IL20RA: variants seen among roughly 807,000 people sequenced by gnomAD.
IL20RA encodes the protein interleukin-20 receptor subunit alpha.
IL20RA carries 29 observed loss-of-function variants against 36.5 expected under a neutral mutation model. That is an observed-to-expected ratio of 0.79 (90% CI 0.59 to 1.08). The LOEUF (loss-of-function observed/expected upper bound fraction) is 1.08. Among genes scored for constraint, IL20RA ranks in the 50% least tolerant of loss-of-function variants. IL20RA has a pLI of 0.00. For missense variants in IL20RA, 652 were observed against 668.4 expected, an observed-to-expected ratio of 0.98 and a Z score of 0.27; for synonymous variants, 279 against 267.1, an observed-to-expected ratio of 1.04 and a Z score of -0.43.
Position 137,032,911 on chromosome 6 carries a change from C to A in IL20RA, c.88+11730G>T, listed in dbSNP as rs549108130. Among the ~76,000 whole-genome samples, 5 of 152,284 alleles carry A rather than the reference C, an allele frequency of 3.3e-5. No homozygotes were observed. In the South Asian group the frequency reaches 8.3e-4, roughly 25 times the overall value. Reference sequence around the variant, plus strand: ...CTGAACAGGACTTGCAGAAGACTGGCTCTTTGAGGTACTTACATTATTTTG... The same window carrying A: ...CTGAACAGGACTTGCAGAAGACTGGATCTTTGAGGTACTTACATTATTTTG... On this transcript the variant is annotated intron_variant, in intron 1 of 6. Transcript: ENST00000316649.
At chr6:137,003,799 G>A (rs1199285618) in intron 6 of IL20RA, among the ~76,000 whole-genome samples, 2 of 152,032 alleles carry the variant, frequency 1.3e-5, no homozygotes, top group Non-Finnish European at 2.9e-5. Flanking sequence ...TCCTCATCTG[G>A]AGCCTCCTTG....
chr6:137,036,557 G>A (rs1776500170), intron 1 of IL20RA, among the ~76,000 whole-genome samples: 1 of 152,182 alleles, frequency 6.6e-6, no homozygotes. Context: ...AGAATGCCAT[G>A]TGAAGATCAG....
In IL20RA at chr6:137,011,402, C is replaced by A. The variant is rs773882416; in HGVS notation, c.275G>T (p.Arg92Ile). 1.9e-6 allele frequency: 3 copies of A among 1,613,616 alleles called. No homozygotes were observed. Among genetic ancestry groups the A allele is most frequent in the African/African-American group, 2.7e-5 (2 of 75,022 alleles). Reference sequence around the variant, plus strand: ...TTCAGCAGAAAGATCACAGTAGGTTCTATTGATATTTCTGCATTCTGATTT... The same window carrying A: ...TTCAGCAGAAAGATCACAGTAGGTTATATTGATATTTCTGCATTCTGATTT... Reference protein sequence around the residue: ...LNKSECRNINRTYCDLSAETS... With the variant: ...LNKSECRNINITYCDLSAETS... The change falls in exon 3 of 7, where the codon AGA becomes ATA. Residue 92 changes from arginine to isoleucine, a missense_variant. Physicochemically the swap from Arg to Ile is moderately conservative, Grantham distance 97 (BLOSUM62 -3). Coordinates refer to ENST00000316649, the MANE Select transcript of IL20RA (RefSeq NM_014432.4).
intron 1 of IL20RA, among the ~76,000 whole-genome samples, chr6:137,025,879 A>G (rs1184013740): frequency 6.6e-6 from 1 of 152,208 alleles, no homozygotes; most frequent in Non-Finnish European, 1.5e-5. Flanking sequence ...TGCCTGATGA[A>G]CACCAGTTAA....
chr6:137,001,958 A>G lies in IL20RA; in HGVS notation c.1262T>C (p.Leu421Ser), dbSNP rs568672421. The change falls in exon 7 of 7, where the codon TTG becomes TCG. Residue 421 changes from leucine (L) to serine (S), a missense_variant. Physicochemically the swap from Leu to Ser is moderately radical, Grantham distance 145 (BLOSUM62 -2). Transcript: ENST00000316649. ...TCCTTGTGTGGACACCTCCTCCTGC[A>G]AACTGAGCTCCTGCTCTTCAGGCCC... Reference protein sequence around the residue: ...CAGPEEQELSLQEEVSTQGTL... With the variant: ...CAGPEEQELSSQEEVSTQGTL... The G allele has an allele frequency of 2.0e-5, 32 of 1,614,164 alleles. 1 individual carries two copies. In the South Asian group the frequency reaches 3.3e-4, roughly 17 times the overall value.
intron 5 of IL20RA, among the ~76,000 whole-genome samples, chr6:137,007,877 T>C (rs1012953702): frequency 5.3e-5 from 8 of 152,238 alleles, no homozygotes; most frequent in African/African-American, 1.9e-4. Flanking sequence ...GAATTCTGCT[T>C]TACAGTGGTT....
chr6:137,031,973 A>G lies in IL20RA; in HGVS notation c.88+12668T>C, dbSNP rs371981887. Among the ~76,000 whole-genome samples, 9 of 151,646 alleles carry G rather than the reference A, an allele frequency of 5.9e-5. No homozygotes were observed. The South Asian group carries it at 1.9e-3, about 32-fold the overall frequency. On this transcript the variant is annotated intron_variant, in intron 1 of 6. Transcript: ENST00000316649. Reference sequence around the variant, plus strand: ...GAGGCTGAGTCATGAGAATCACTTGAACCTGGGAGGCAGAGGTTGTAGTGA... The same window carrying G: ...GAGGCTGAGTCATGAGAATCACTTGGACCTGGGAGGCAGAGGTTGTAGTGA...
Position 137,004,649 on chromosome 6 carries a change from A to G in IL20RA, c.836T>C (p.Val279Ala), listed in dbSNP as rs756416263. The stretch of plus-strand genomic sequence containing the variant: ...ATTTGCTGGGTGTTTCTCTTTGCCA[A>G]CGTGGATATATCGGTAGATGGAATA... The part of the protein sequence containing the change: ...MGYSIYRYIH[V>A]GKEKHPANLI... The change falls in exon 6 of 7, where the codon GTT (valine) becomes GCT (alanine). Residue 279 changes from valine to alanine, a missense_variant. Transcript: ENST00000316649. 13 of 1,613,828 alleles carry G rather than the reference A, an allele frequency of 8.1e-6. No individual in the cohort carries two copies. In the Admixed American group the frequency reaches 1.8e-4, roughly 23 times the overall value.
rs756493272 is a variant in IL20RA, at chr6:137,000,743, C to G, written c.*815G>C. The G allele has an allele frequency of 1.7e-4, 26 of 152,304 alleles. No individual in the cohort carries two copies. The highest frequency in any genetic ancestry group is 3.5e-4 in the Non-Finnish European group (24 of 68,014). 9.4% of individuals were successfully genotyped at this position (152,304 alleles called of 1,614,324 possible). ...CAGTAACCTAGAGCTTTACCTAACA[C>G]TTTCTAGTTTACAGACTATGTAAAT... On this transcript the variant is annotated 3_prime_UTR_variant, in exon 7 of 7. Coordinates refer to ENST00000316649, the MANE Select transcript of IL20RA (RefSeq NM_014432.4).
At chr6:137,024,535 G>A (rs1297714964) in intron 1 of IL20RA, among the ~76,000 whole-genome samples, 1 of 152,224 alleles carries the variant, frequency 6.6e-6, no homozygotes, top group Non-Finnish European at 1.5e-5. Context: ...GGGAGTGCCA[G>A]ACCATCATGA....
At position 137,004,677 on chromosome 6, in the gene IL20RA, C is replaced by T. The variant is rs1775212361; in HGVS notation, c.808G>A (p.Gly270Ser). ...TGGATATATCGGTAGATGGAATAGC[C>T]CATCACAGAAAAAAGAAACACGGTA... ...SITVFLFSVMGYSIYRYIHVG... is the reference protein window; with the variant it reads ...SITVFLFSVMSYSIYRYIHVG... Residue 270 changes from glycine (G) to serine (S), a missense_variant, in exon 6 of 7, where the codon GGC becomes AGC. By Grantham distance (56) the Gly-to-Ser change is moderately conservative. Transcript: ENST00000316649. The T allele has an allele frequency of 6.2e-7, 1 of 1,611,978 alleles. No individual in the cohort carries two copies. The highest frequency in any genetic ancestry group is 8.5e-7 in the Non-Finnish European group (1 of 1,179,444).
chr6:137,043,837 T>A (rs937666768), intron 1 of IL20RA, among the ~76,000 whole-genome samples: 7 of 152,200 alleles, frequency 4.6e-5, no homozygotes, highest in Admixed American at 6.5e-5. Context: ...TTTGTTTTTT[T>A]AAAAAATCTT....
rs531818824 is a variant in IL20RA, at chr6:137,044,174, C to A, written c.88+467G>T. The A allele has an allele frequency of 6.1e-6, 6 of 986,202 alleles. No individual in the cohort carries two copies. The South Asian group carries it at 2.3e-4, about 39-fold the overall frequency. 61.1% of individuals were successfully genotyped at this position (986,202 alleles called of 1,614,324 possible). A position where few individuals can be genotyped will look rare whatever the true frequency, so the allele number is the denominator to read the frequency against. ...TTTGGCTTTTAAAGCGCGGATCTCG[C>A]GACGCGCGGCTTGCAGGACTGCGGG... is the stretch of plus-strand genomic sequence containing the variant. On this transcript the variant is annotated intron_variant, in intron 1 of 6. Transcript: ENST00000316649.
chr6:137,016,753 C>T (rs1013620000), intron 2 of IL20RA, among the ~76,000 whole-genome samples: 1 of 152,142 alleles, frequency 6.6e-6, no homozygotes, highest in South Asian at 2.1e-4. Flanking sequence ...TCTAAATAAC[C>T]TTGCCTTGCC....
In IL20RA at chr6:137,001,662, T is replaced by C. The variant is rs1015688435; in HGVS notation, c.1558A>G (p.Arg520Gly). 17 of 1,613,958 alleles carry C rather than the reference T, an allele frequency of 1.1e-5. No individual in the cohort carries two copies. The Admixed American group carries it at 1.3e-4, about 13-fold the overall frequency. The change falls in exon 7 of 7, where the codon AGA becomes GGA. Residue 520 changes from arginine to glycine, a missense_variant. Coordinates refer to ENST00000316649, the MANE Select transcript of IL20RA (RefSeq NM_014432.4). ...TCTGGAGCCGGCTCCTCATAGAGTC[T>C]AGATAGAAGACCCTCCTCTCCGAGC... ...DGLGEEGLLS[R>G]LYEEPAPDRP...
chr6:137,001,505 G>T lies in IL20RA; in HGVS notation c.*53C>A. 1 of 1,470,336 alleles carries T rather than the reference G, an allele frequency of 6.8e-7. No homozygotes were observed. The highest frequency in any genetic ancestry group is 9.1e-7 in the Non-Finnish European group (1 of 1,096,680). 91.1% of individuals were successfully genotyped at this position (1,470,336 alleles called of 1,614,324 possible). On this transcript the variant is annotated 3_prime_UTR_variant, in exon 7 of 7. Transcript: ENST00000316649. ...CAGGTACTTTATGGCTGGGATCAAA[G>T]GGGTGACTCACTTGTTTGCACAGGA...
chr6:137,018,145 T>C (rs1775768760), intron 1 of IL20RA, among the ~76,000 whole-genome samples: 1 of 152,208 alleles, frequency 6.6e-6, no homozygotes, highest in African/African-American at 2.4e-5. Flanking sequence ...AAATAAAATT[T>C]AGTTCAGTCA....
intron 2 of IL20RA, among the ~76,000 whole-genome samples, chr6:137,015,719 A>G (rs1392168633): frequency 2.6e-5 from 4 of 152,114 alleles, no homozygotes; most frequent in East Asian, 3.9e-4. Flanking sequence ...GAGCAGTGGC[A>G]TGATCTCAGC....
intron 1 of IL20RA, among the ~76,000 whole-genome samples, chr6:137,019,989 G>T (rs1040246744): frequency 2.6e-5 from 4 of 152,182 alleles, no homozygotes; most frequent in African/African-American, 9.7e-5. Context: ...TTGTGCCTGG[G>T]TTGGTCTGTG....
Sources: gnomAD v4.1 joint callset for allele counts (sites outside exome capture counted in the v4.1 genomes callset) on GRCh38, gnomAD v4.1.1 for gene constraint, MANE v1.5 for transcripts, NCBI Gene and HGNC (gene_info 2026-07-23, HGNC 2026-07-21) for gene names.